COL28A1: variants seen among roughly 807,000 people sequenced by gnomAD.
The protein encoded by COL28A1 is collagen alpha-1(XXVIII) chain.
COL28A1 carries 161 observed loss-of-function variants against 150.2 expected under a neutral mutation model. The observed-to-expected ratio is 1.07, with a 90% CI of 0.94 to 1.22. The LOEUF (loss-of-function observed/expected upper bound fraction) is 1.22. Ranked by LOEUF, COL28A1 falls within the 50% of genes most tolerant of loss-of-function variation. The probability of loss-of-function intolerance (pLI) is 0.00; values close to 1 mark genes in which losing one functional copy is unlikely to be tolerated. For missense variants in COL28A1, 1,617 were observed against 1,388.3 expected, an observed-to-expected ratio of 1.16 and a Z score of -2.62; for synonymous variants, 552 against 469.7, an observed-to-expected ratio of 1.18 and a Z score of -2.26.
intron 8 of COL28A1, 42 bp from the exon 9 acceptor site, chr7:7,511,177 G>T: frequency 7.1e-7 from 1 of 1,407,802 alleles, no homozygotes; most frequent in Non-Finnish European, 1.0e-6. Context: ...AACACTTGCA[G>T]TCATTCACTA....
At chr7:7,386,508 TCA>T in intron 27 of COL28A1, among the ~76,000 whole-genome samples, 1 of 152,308 alleles carries the variant, frequency 6.6e-6, no homozygotes, top group East Asian at 1.9e-4. Context: ...TCAAGATCCT[TCA>T]AGGAGACACA....
chr7:7,420,604 A>G (rs183881804), intron 25 of COL28A1, among the ~76,000 whole-genome samples: 1 of 152,388 alleles, frequency 6.6e-6, no homozygotes, highest in East Asian at 1.9e-4. Flanking sequence ...GTTATTTGAT[A>G]TAATTTAGTA....
Position 7,498,305 on chromosome 7 carries a change from C to T in COL28A1, c.1027-7659G>A, listed in dbSNP as rs567992257. On this transcript the variant is annotated intron_variant, in intron 11 of 34. Coordinates refer to ENST00000399429, the MANE Select transcript of COL28A1 (RefSeq NM_001037763.3). ...TTGAGAATCGCAGCTCTAGAAGACA[C>T]TGTTTAGAATCCTCCAGCACAAAAT... Among the ~76,000 whole-genome samples, 8 of 152,292 alleles carry T rather than the reference C, an allele frequency of 5.3e-5. 2 individuals are homozygous for T. Among genetic ancestry groups the T allele is most frequent in the African/African-American group, 1.9e-4 (8 of 41,568 alleles).
At chr7:7,482,124 C>G (rs189944768) in intron 13 of COL28A1, among the ~76,000 whole-genome samples, 2 of 152,094 alleles carry the variant, frequency 1.3e-5, no homozygotes, top group Non-Finnish European at 2.9e-5. Flanking sequence ...GTACTAAATA[C>G]GAAACACTTG....
intron 27 of COL28A1, among the ~76,000 whole-genome samples, chr7:7,410,411 C>T (rs1026797628): frequency 2.0e-5 from 3 of 152,052 alleles, no homozygotes; most frequent in Non-Finnish European, 2.9e-5. Context: ...AACTTGAGGC[C>T]TCTCATGTGG....
chr7:7,532,880 G>C lies in COL28A1; in HGVS notation c.-5C>G. 6.3e-7 allele frequency: 1 copy of C among 1,593,710 alleles called. No homozygotes were observed. The highest frequency in any genetic ancestry group is 8.5e-7 in the Non-Finnish European group (1 of 1,174,100). ...GACAAAATATCTGTTCCACATTATG[G>C]TAGATGGTGAAAAATCATCTGTCTT... On this transcript the variant is annotated 5_prime_UTR_variant, in exon 2 of 35. Coordinates refer to ENST00000399429, the MANE Select transcript of COL28A1 (RefSeq NM_001037763.3).
chr7:7,340,194 G>A, the COL28A1 span, among the ~76,000 whole-genome samples: 2 of 151,860 alleles, frequency 1.3e-5, no homozygotes, highest in Non-Finnish European at 2.9e-5. Flanking sequence ...TTTCACCATG[G>A]TAGCATGAGC....
At chr7:7,440,689 A>G (rs1785702103) in intron 21 of COL28A1, 101 bp downstream of exon 21, 1 of 572,684 alleles carries the variant, frequency 1.7e-6, no homozygotes, top group African/African-American at 1.9e-5. Flanking sequence ...CTTGTTGGGA[A>G]GGAAACAAGG....
intron 27 of COL28A1, among the ~76,000 whole-genome samples, chr7:7,387,321 G>C (rs1245638382): frequency 6.6e-6 from 1 of 152,002 alleles, no homozygotes; most frequent in Non-Finnish European, 1.5e-5. Flanking sequence ...ATACTAAAAA[G>C]AGTAAATTTT....
the COL28A1 span, among the ~76,000 whole-genome samples, chr7:7,541,559 AG>A: frequency 5.3e-5 from 8 of 152,198 alleles, no homozygotes; most frequent in Non-Finnish European, 8.8e-5. Flanking sequence ...ATGGGTCTTC[AG>A]GAAGTGTTGT....
chr7:7,475,434 T>C (rs780022056), intron 14 of COL28A1, among the ~76,000 whole-genome samples: 13 of 152,168 alleles, frequency 8.5e-5, no homozygotes, highest in Admixed American at 2.6e-4. Context: ...CTTCTGATCA[T>C]TACCACAGAA....
chr7:7,444,010 T>A (rs929541), intron 19 of COL28A1, among the ~76,000 whole-genome samples: 10,639 of 138,414 alleles, frequency 0.077, 444 homozygotes, highest in Middle Eastern at 0.17. Flanking sequence ...TTTTTTTTGC[T>A]ACTTTTACTG....
intron 7 of COL28A1, 59 bp from the exon 8 acceptor site, chr7:7,515,899 G>C (rs1428702413): frequency 8.7e-6 from 7 of 801,648 alleles, no homozygotes; most frequent in South Asian, 8.6e-5. Flanking sequence ...ATTAGAATAA[G>C]GATTAGGTAT....
chr7:7,516,590 A>AT (rs539998469), intron 7 of COL28A1, among the ~76,000 whole-genome samples: 5 of 152,058 alleles, frequency 3.3e-5, no homozygotes, highest in African/African-American at 9.7e-5. Context: ...TTCAAATGGG[A>AT]TTTTTTTGTC....
chr7:7,429,347 A>G (rs1784813581), intron 25 of COL28A1, among the ~76,000 whole-genome samples: 1 of 152,058 alleles, frequency 6.6e-6, no homozygotes, highest in African/African-American at 2.4e-5. Context: ...ACCAAGCAAG[A>G]AGGGCAAAGT....
intron 13 of COL28A1, 78 bp from the exon 14 acceptor site, chr7:7,477,258 A>T (rs914968289): frequency 1.3e-6 from 1 of 792,454 alleles, no homozygotes. Context: ...AGGAAAGAGG[A>T]AGAAAGAGAA....
chr7:7,340,687 A>T, the COL28A1 span, among the ~76,000 whole-genome samples: 2 of 151,520 alleles, frequency 1.3e-5, no homozygotes, highest in Non-Finnish European at 2.9e-5. Context: ...ATTCATCTCT[A>T]ATCTGTGTTT....
chr7:7,493,480 T>C lies in COL28A1; in HGVS notation c.1027-2834A>G, dbSNP rs544484606. Among the ~76,000 whole-genome samples, 11 of 152,306 alleles carry C rather than the reference T, an allele frequency of 7.2e-5. No individual in the cohort carries two copies. In the East Asian group the frequency reaches 2.1e-3, roughly 29 times the overall value. On this transcript the variant is annotated intron_variant, in intron 11 of 34. Coordinates refer to ENST00000399429, the MANE Select transcript of COL28A1 (RefSeq NM_001037763.3). ...GAGCAGCTGAGCAATATCTTAATAT[T>C]GCTTTACAAGGCAGTTGCAGGGATC...
intron 33 of COL28A1, 132 bp downstream of exon 33, chr7:7,370,593 A>G: frequency 1.7e-6 from 1 of 581,594 alleles, no homozygotes; most frequent in Non-Finnish European, 2.9e-6. Context: ...AGATACTAAC[A>G]TTTAGAGCCA....
Sources: gnomAD v4.1 joint callset for allele counts (sites outside exome capture counted in the v4.1 genomes callset) on GRCh38, gnomAD v4.1.1 for gene constraint, MANE v1.5 for transcripts, NCBI Gene and HGNC (gene_info 2026-07-23, HGNC 2026-07-21) for gene names.